The following NAALADL2 variants were observed in gnomAD, a reference collection of about 807,000 sequenced individuals.
The protein encoded by NAALADL2 is N-acetylated alpha-linked acidic dipeptidase like 2, also known as inactive N-acetylated-alpha-linked acidic dipeptidase-like protein 2.
NAALADL2 carries 76 observed loss-of-function variants against 87.2 expected under a neutral mutation model. That is an observed-to-expected ratio of 0.87 (90% CI 0.72 to 1.05). NAALADL2 has a LOEUF of 1.05. Ranked by LOEUF, NAALADL2 falls within the 50% of genes least tolerant of loss-of-function variation. The pLI, the probability that NAALADL2 is intolerant of heterozygous loss-of-function variation, is 0.00. For synonymous variants in NAALADL2, 354 were observed against 331.0 expected (o/e 1.07, Z -0.75); for missense variants, 1,089 against 945.8 (o/e 1.15, Z -1.99).
intron 1 of NAALADL2, among the ~76,000 whole-genome samples, chr3:174,476,786 A>G (rs1300062628): frequency 1.3e-5 from 2 of 152,060 alleles, no homozygotes; most frequent in Admixed American, 1.3e-4. Flanking sequence ...TTTCTTTCTT[A>G]TCAGAGGATA....
intron 9 of NAALADL2, among the ~76,000 whole-genome samples, chr3:175,521,316 T>A (rs909070817): frequency 1.3e-5 from 2 of 152,172 alleles, no homozygotes; most frequent in Non-Finnish European, 2.9e-5. Context: ...GGAATGAATC[T>A]TGTAGTTAAT....
chr3:175,296,308 G>A (rs1017226289), intron 4 of NAALADL2, among the ~76,000 whole-genome samples: 2 of 152,216 alleles, frequency 1.3e-5, no homozygotes, highest in Non-Finnish European at 2.9e-5. Context: ...GAGCTGTCCT[G>A]CTCAAACTGC....
At chr3:174,441,465 G>T (rs1366976124) in intron 1 of NAALADL2, among the ~76,000 whole-genome samples, 3 of 152,170 alleles carry the variant, frequency 2.0e-5, no homozygotes, top group African/African-American at 7.2e-5. Flanking sequence ...GCGCTAGCGG[G>T]GCGCAGGTAA....
intron 6 of NAALADL2, among the ~76,000 whole-genome samples, chr3:175,461,662 C>T (rs1486851231): frequency 2.6e-5 from 4 of 152,118 alleles, no homozygotes; most frequent in African/African-American, 9.7e-5. Context: ...GACGTTTTCT[C>T]GCTGCTAACT....
At chr3:175,161,945 T>C (rs553360214) in intron 2 of NAALADL2, among the ~76,000 whole-genome samples, 2 of 152,214 alleles carry the variant, frequency 1.3e-5, no homozygotes, top group South Asian at 4.1e-4. Flanking sequence ...ATTTTAACAA[T>C]TTTTTTACAC....
chr3:175,409,704 AT>A (rs1335125874), intron 5 of NAALADL2, among the ~76,000 whole-genome samples: 2 of 151,370 alleles, frequency 1.3e-5, no homozygotes, highest in African/African-American at 2.4e-5. Context: ...TTTTTCAGTT[AT>A]TAAAAAAAGT....
chr3:175,017,415 T>C (rs983796664), intron 1 of NAALADL2, among the ~76,000 whole-genome samples: 1 of 152,058 alleles, frequency 6.6e-6, no homozygotes, highest in Non-Finnish European at 1.5e-5. Context: ...AGACCAGGGA[T>C]TTGAATCTGT....
chr3:175,335,178 C>A (rs1277504548), intron 5 of NAALADL2, among the ~76,000 whole-genome samples: 1 of 152,092 alleles, frequency 6.6e-6, no homozygotes, highest in Non-Finnish European at 1.5e-5. Context: ...AATATGATAG[C>A]CACTAGCCAT....
chr3:175,694,131 A>G (rs1737422382), intron 11 of NAALADL2, among the ~76,000 whole-genome samples: 1 of 152,170 alleles, frequency 6.6e-6, no homozygotes, highest in African/African-American at 2.4e-5. Flanking sequence ...TTATGGCATC[A>G]GCTATTGTCT....
At chr3:175,610,356 G>GT (rs1001787477) in intron 10 of NAALADL2, among the ~76,000 whole-genome samples, 19 of 151,028 alleles carry the variant, frequency 1.3e-4, no homozygotes, top group African/African-American at 2.9e-4. Flanking sequence ...CAATGACTGT[G>GT]TTTTTTTTTA....
intron 1 of NAALADL2, among the ~76,000 whole-genome samples, chr3:174,498,258 C>T (rs189334254): frequency 3.5e-4 from 53 of 151,992 alleles, no homozygotes; most frequent in Admixed American, 1.0e-3. Flanking sequence ...TATTAGTTTT[C>T]GTTTCTGTGA....
intron 3 of NAALADL2, among the ~76,000 whole-genome samples, chr3:174,851,366 A>G (rs200514711): frequency 0.17 from 23,926 of 139,570 alleles, 1,643 homozygotes; most frequent in South Asian, 0.3. Context: ...CCAGACTAAA[A>G]AAAAAAAAAA....
intron 1 of NAALADL2, among the ~76,000 whole-genome samples, chr3:174,454,463 C>T (rs553556227): frequency 5.2e-4 from 79 of 152,268 alleles, no homozygotes; most frequent in Non-Finnish European, 9.7e-4. Context: ...ATTACACATA[C>T]TCTAAAGTCG....
chr3:174,545,625 CT>C (rs1282815721), intron 1 of NAALADL2, among the ~76,000 whole-genome samples: 3 of 151,946 alleles, frequency 2.0e-5, no homozygotes, highest in Admixed American at 1.3e-4. Context: ...ATCTATATGC[CT>C]TTTCAAACTG....
At chr3:174,939,353 T>C (rs1738223322) in intron 1 of NAALADL2, among the ~76,000 whole-genome samples, 1 of 152,078 alleles carries the variant, frequency 6.6e-6, no homozygotes, top group African/African-American at 2.4e-5. Flanking sequence ...CCTATTTTGT[T>C]CCATTGGTCC....
chr3:175,749,449 C>T (rs1263148567), intron 12 of NAALADL2, among the ~76,000 whole-genome samples: 2 of 152,082 alleles, frequency 1.3e-5, no homozygotes, highest in African/African-American at 2.4e-5. Context: ...GATCAAGGAG[C>T]TGGCAGGTTT....
At chr3:174,749,119 A>G (rs192773596) in intron 3 of NAALADL2, among the ~76,000 whole-genome samples, 542 of 147,944 alleles carry the variant, frequency 3.7e-3, no homozygotes, top group Non-Finnish European at 5.4e-3. Context: ...CTGTTCTACC[A>G]TGCCTAATCC....
At chr3:175,667,181 G>GAAAGAGAAAGAA (rs1553945219) in intron 11 of NAALADL2, among the ~76,000 whole-genome samples, 2 of 95,220 alleles carry the variant, frequency 2.1e-5, no homozygotes, top group South Asian at 3.6e-4. Context: ...AAGAAAGAAA[G>GAAAGAGAAAGAA]AGAAAGAAAG....
At chr3:174,716,378 G>A (rs938233098) in intron 2 of NAALADL2, among the ~76,000 whole-genome samples, 1 of 152,010 alleles carries the variant, frequency 6.6e-6, no homozygotes, top group Non-Finnish European at 1.5e-5. Flanking sequence ...AAGAGGGCTA[G>A]TCTCACACCT....
Sources: allele counts gnomAD v4.1 joint callset (sites outside exome capture counted in the v4.1 genomes callset), GRCh38; gene constraint gnomAD v4.1.1; transcripts MANE v1.5; gene names NCBI Gene and HGNC (gene_info 2026-07-23, HGNC 2026-07-21).